The following GPHN variants were observed in gnomAD, a reference collection of about 807,000 sequenced individuals.
GPHN encodes gephyrin.
In GPHN, 17 loss-of-function variants were observed where a neutral mutation model predicts 95.5. The ratio of observed to expected loss-of-function variants is 0.18; its 90% CI spans 0.12 to 0.27. The LOEUF (loss-of-function observed/expected upper bound fraction) is 0.27, where lower values mean the gene tolerates loss of function less well. GPHN is among the 10% of genes least tolerant of loss of function. GPHN has a pLI of 1.00. For synonymous variants in GPHN, 320 were observed against 322.5 expected, an observed-to-expected ratio of 0.99 and a Z score of 0.08; for missense variants, 660 against 978.1, an observed-to-expected ratio of 0.67 and a Z score of 4.34.
intron 4 of GPHN, among the ~76,000 whole-genome samples, chr14:66,827,451 T>G (rs1039625987): frequency 6.6e-6 from 1 of 152,168 alleles, no homozygotes. Context: ...CTTAATAGAC[T>G]AGTCATTTAA....
At chr14:66,941,844 A>G (rs1259710077) in intron 8 of GPHN, among the ~76,000 whole-genome samples, 2 of 152,236 alleles carry the variant, frequency 1.3e-5, no homozygotes, top group Middle Eastern at 3.2e-3. Context: ...ACGTTCTCCA[A>G]ATTTTGTTCA....
chr14:67,189,703 T>G, the GPHN span: 6 of 152,320 alleles, frequency 3.9e-5, no homozygotes, highest in African/African-American at 1.4e-4. Context: ...TCTAGTTTCA[T>G]TTCTTCTACC....
rs78754944 is a variant in GPHN, at chr14:66,719,703, G to A, written c.143+38518G>A. Among the ~76,000 whole-genome samples, 12 of 152,232 alleles carry A rather than the reference G, an allele frequency of 7.9e-5. No individual in the cohort carries two copies. The East Asian group carries it at 2.3e-3, about 29-fold the overall frequency. On this transcript the variant is annotated intron_variant, in intron 2 of 22. Transcript: ENST00000478722. The stretch of plus-strand genomic sequence containing the variant: ...CCTGCTGCACAAATTTGTGAAAAAC[G>A]TATATTCCCATGTCATGGTGAAGAG...
At chr14:67,381,567 C>G in the GPHN span, 2 of 1,585,576 alleles carry the variant, frequency 1.3e-6, no homozygotes, top group Non-Finnish European at 1.7e-6. Flanking sequence ...CATTTTTTAT[C>G]AACTTTTGAA....
At chr14:67,309,640 A>G in the GPHN span, among the ~76,000 whole-genome samples, 1 of 152,162 alleles carries the variant, frequency 6.6e-6, no homozygotes, top group Non-Finnish European at 1.5e-5. Flanking sequence ...TTGTTGGCCT[A>G]TGGCAATGGT....
chr14:66,698,084 A>G (rs1224372629), intron 2 of GPHN, among the ~76,000 whole-genome samples: 1 of 152,214 alleles, frequency 6.6e-6, no homozygotes, highest in Non-Finnish European at 1.5e-5. Context: ...ATATTTATTA[A>G]ATGACTAATT....
chr14:66,662,502 G>A (rs1200852052), intron 1 of GPHN, among the ~76,000 whole-genome samples: 2 of 151,998 alleles, frequency 1.3e-5, no homozygotes, highest in African/African-American at 4.8e-5. Flanking sequence ...GAAGGTAGAT[G>A]TGCCCACAAA....
chr14:67,586,397 G>A, the GPHN span: 5 of 1,354,300 alleles, frequency 3.7e-6, no homozygotes, highest in Non-Finnish European at 4.8e-6. Context: ...TCAGTTGGGT[G>A]CTTACGTGCT....
intron 4 of GPHN, among the ~76,000 whole-genome samples, chr14:66,876,948 T>G (rs566350241): frequency 2.0e-5 from 3 of 151,390 alleles, no homozygotes; most frequent in Non-Finnish European, 3.0e-5. Flanking sequence ...ACAAAAAAAA[T>G]TTCAGGCCAA....
At chr14:66,849,360 A>G (rs1186521267) in intron 4 of GPHN, among the ~76,000 whole-genome samples, 1 of 152,018 alleles carries the variant, frequency 6.6e-6, no homozygotes, top group African/African-American at 2.4e-5. Flanking sequence ...TCTTTGTATA[A>G]ATTGTTATGT....
At chr14:67,150,464 A>ACAAAACAAAACAAAACAAAAC (rs772495010) in intron 18 of GPHN, among the ~76,000 whole-genome samples, 1 of 136,098 alleles carries the variant, frequency 7.3e-6, no homozygotes, top group Non-Finnish European at 1.7e-5. Flanking sequence ...AAAAAAAAAA[A>ACAAAACAAAACAAAACAAAAC]AAAAAAAAAC....
chr14:67,567,050 A>G, the GPHN span, among the ~76,000 whole-genome samples: 1 of 152,122 alleles, frequency 6.6e-6, no homozygotes, highest in African/African-American at 2.4e-5. Flanking sequence ...AGGAGATCTC[A>G]TCCTGTTTGC....
intron 3 of GPHN, among the ~76,000 whole-genome samples, chr14:66,781,752 C>T (rs1739184607): frequency 6.6e-6 from 1 of 152,074 alleles, no homozygotes; most frequent in South Asian, 2.1e-4. Flanking sequence ...CACCACTGTA[C>T]CACAGATCAC....
chr14:67,333,987 A>G, the GPHN span: 1 of 152,618 alleles, frequency 6.6e-6, no homozygotes, highest in Non-Finnish European at 1.5e-5. Context: ...ACTGTATATT[A>G]ATATTTAATA....
the GPHN span, chr14:67,571,604 G>A: frequency 5.8e-6 from 4 of 689,326 alleles, no homozygotes; most frequent in Admixed American, 2.2e-5. Flanking sequence ...GAGGCCAGGA[G>A]GGACCTTACA....
intron 2 of GPHN, among the ~76,000 whole-genome samples, chr14:66,752,680 T>C (rs894949753): frequency 1.3e-5 from 2 of 152,054 alleles, no homozygotes; most frequent in African/African-American, 4.8e-5. Flanking sequence ...TTTTAAATAC[T>C]ACGAGAATTA....
chr14:67,278,618 C>T, the GPHN span, among the ~76,000 whole-genome samples: 1 of 152,130 alleles, frequency 6.6e-6, no homozygotes, highest in Non-Finnish European at 1.5e-5. Context: ...ATTTCAATCC[C>T]ATGTTAATTG....
chr14:67,240,601 T>A, the GPHN span, among the ~76,000 whole-genome samples: 1 of 152,222 alleles, frequency 6.6e-6, no homozygotes, highest in Non-Finnish European at 1.5e-5. Flanking sequence ...AGGGCTTTTA[T>A]TGCAAGTGTC....
At chr14:67,348,453 C>T in the GPHN span, among the ~76,000 whole-genome samples, 10 of 151,706 alleles carry the variant, frequency 6.6e-5, no homozygotes, top group African/African-American at 2.2e-4. Flanking sequence ...GATCCGCCCA[C>T]CTCAGCCTCC....
Sources: gnomAD v4.1 joint callset for allele counts (sites outside exome capture counted in the v4.1 genomes callset) on GRCh38, gnomAD v4.1.1 for gene constraint, MANE v1.5 for transcripts, NCBI Gene and HGNC (gene_info 2026-07-23, HGNC 2026-07-21) for gene names.